Variants in CPA5 observed in about 807,000 individuals in gnomAD.
CPA5 encodes the protein testicular tissue protein Li 32.
In CPA5, 38 loss-of-function variants were observed where a neutral mutation model predicts 52.2. The ratio of observed to expected loss-of-function variants is 0.73; its 90% CI spans 0.56 to 0.95. The LOEUF (loss-of-function observed/expected upper bound fraction) is 0.95, where lower values mean the gene tolerates loss of function less well. Ranked by LOEUF, CPA5 falls within the 40% of genes least tolerant of loss-of-function variation. CPA5 has a pLI of 0.00. For missense variants in CPA5, 519 were observed against 566.7 expected (o/e 0.92, Z 0.86); for synonymous variants, 198 against 213.7 (o/e 0.93, Z 0.64).
intron 5 of CPA5, among the ~76,000 whole-genome samples, chr7:130,352,743 G>A (rs1584799723): frequency 6.6e-6 from 1 of 152,292 alleles, no homozygotes; most frequent in East Asian, 1.9e-4. Flanking sequence ...GGAGGGTGGT[G>A]AGGAAATTGC....
intron 10 of CPA5, among the ~76,000 whole-genome samples, chr7:130,364,803 C>T (rs892244025): frequency 6.6e-6 from 1 of 152,228 alleles, no homozygotes; most frequent in African/African-American, 2.4e-5. Flanking sequence ...TCTCCCTAAC[C>T]ATGCAAGGGG....
chr7:130,351,936 T>G (rs1795172103), intron 5 of CPA5, among the ~76,000 whole-genome samples: 1 of 152,114 alleles, frequency 6.6e-6, no homozygotes, highest in South Asian at 2.1e-4. Flanking sequence ...CATGTGGGTC[T>G]TTGTTCCTCT....
At chr7:130,368,056 G>C in intron 12 of CPA5, 66 bp downstream of exon 12, 1 of 1,464,056 alleles carries the variant, frequency 6.8e-7, no homozygotes, top group Non-Finnish European at 9.6e-7. Context: ...GCAGGGCAGT[G>C]CCAAGGATCT....
chr7:130,350,110 G>C lies in CPA5; in HGVS notation c.333+1G>C. On this transcript the variant is annotated splice_donor_variant, in intron 5 of 12. Coordinates refer to ENST00000474905, the MANE Select transcript of CPA5 (RefSeq NM_080385.5). LOFTEE classifies it high-confidence loss of function. Reference sequence around the variant, plus strand: ...CAGCATCATGATAAAGGACATCCAGGTGAAGCCCTGCCCCAGCTGGGACCC... The same window carrying C: ...CAGCATCATGATAAAGGACATCCAGCTGAAGCCCTGCCCCAGCTGGGACCC... 3 of 1,610,238 alleles carry C rather than the reference G, an allele frequency of 1.9e-6. No individual in the cohort carries two copies. The East Asian group carries it at 6.7e-5, about 36-fold the overall frequency.
At chr7:130,373,101 C>G (rs1427560185), downstream of CPA5, among the ~76,000 whole-genome samples, 2 of 152,174 alleles carry the variant, frequency 1.3e-5, no homozygotes, top group Non-Finnish European at 2.9e-5. Flanking sequence ...GTCTCCTCAG[C>G]AAGCCCAGAG....
rs201123856 is a variant in CPA5, at chr7:130,362,531, G to T, written c.628G>T (p.Ala210Ser). The T allele has an allele frequency of 6.2e-7, 1 of 1,612,110 alleles. No individual in the cohort carries two copies. Among genetic ancestry groups the T allele is most frequent in the East Asian group, 2.2e-5 (1 of 44,860 alleles). The part of the protein sequence containing the change: ...WITHATGIWT[A>S]NKIVSDYGKD... ...CACCCATGCCACCGGCATCTGGACT[G>T]CCAATAAGGTCAGCATGGACCTGTA... Residue 210 changes from alanine to serine, a missense_variant, in exon 8 of 13, where the codon GCC becomes TCC. By Grantham distance (99) the Ala-to-Ser change is moderately conservative. Coordinates refer to ENST00000474905, the MANE Select transcript of CPA5 (RefSeq NM_080385.5).
downstream of CPA5, among the ~76,000 whole-genome samples, chr7:130,370,957 T>C (rs118091464): frequency 0.021 from 3,264 of 152,318 alleles, 42 homozygotes; most frequent in Non-Finnish European, 0.031. Context: ...CATTGTCCAC[T>C]GGGGCTGGAG....
At chr7:130,363,142 A>G in intron 9 of CPA5, 148 bp downstream of exon 9, 1 of 619,328 alleles carries the variant, frequency 1.6e-6, no homozygotes, top group Non-Finnish European at 2.9e-6. Flanking sequence ...CTGCACCTGC[A>G]GCCTCTTGCC....
intron 10 of CPA5, 110 bp downstream of exon 10, chr7:130,363,619 T>C (rs781919990): frequency 8.3e-5 from 72 of 866,520 alleles, no homozygotes; most frequent in Non-Finnish European, 1.3e-4. Flanking sequence ...CATGGGACAA[T>C]GTAGTCAGCT....
chr7:130,363,284 C>T, intron 9 of CPA5, 135 bp from the exon 10 acceptor site: 1 of 696,060 alleles, frequency 1.4e-6, no homozygotes, highest in Non-Finnish European at 2.5e-6. Context: ...CAGCCCCATC[C>T]TGTCCTGGCA....
At position 130,367,819 on chromosome 7, in the gene CPA5, A is replaced by G; in HGVS notation, c.1039-87A>G. The stretch of plus-strand genomic sequence containing the variant: ...TTCAACTTCCAGGACTGCTAAATCC[A>G]TGCTTCTCACCAGCTGGTGAGGGTG... On this transcript the variant is annotated intron_variant, in intron 11 of 12. Transcript: ENST00000474905. 3 of 1,180,326 alleles carry G rather than the reference A, an allele frequency of 2.5e-6. 1 individual carries two copies. The South Asian group carries it at 3.7e-5, about 15-fold the overall frequency. The allele number at this position is 1,180,326 out of a possible 1,614,324, so 73.1% of individuals were successfully genotyped here. A position where few individuals can be genotyped will look rare whatever the true frequency, so the allele number is the denominator to read the frequency against.
chr7:130,365,214 C>A (rs978784601), intron 10 of CPA5, among the ~76,000 whole-genome samples: 1 of 152,162 alleles, frequency 6.6e-6, no homozygotes, highest in Non-Finnish European at 1.5e-5. Context: ...TGGAACAAGA[C>A]CATGCAAAAT....
intron 4 of CPA5, among the ~76,000 whole-genome samples, chr7:130,349,479 A>G (rs1322387644): frequency 6.6e-6 from 1 of 152,226 alleles, no homozygotes; most frequent in Non-Finnish European, 1.5e-5. Flanking sequence ...AAACATAGAA[A>G]GAGTGAATAA....
chr7:130,365,774 C>A (rs141481300), intron 10 of CPA5, among the ~76,000 whole-genome samples: 3 of 152,248 alleles, frequency 2.0e-5, no homozygotes, highest in Admixed American at 1.3e-4. Flanking sequence ...GCTTTCTGTG[C>A]GTGGGCCGCA....
chr7:130,359,721 G>GGGCCCC, intron 6 of CPA5, 34 bp downstream of exon 6: 1 of 1,469,082 alleles, frequency 6.8e-7, no homozygotes, highest in South Asian at 1.2e-5. Context: ...GGGCTCTCTT[G>GGGCCCC]TGTCTTTGGG....
chr7:130,362,909 G>A lies in CPA5; in HGVS notation c.662G>A (p.Arg221His), dbSNP rs530926535. The A allele has an allele frequency of 6.2e-6, 10 of 1,612,614 alleles. No individual in the cohort carries two copies. Among genetic ancestry groups the A allele is most frequent in the African/African-American group, 4.0e-5 (3 of 74,992 alleles). Reference sequence around the variant, plus strand: ...ATTGTCAGTGATTATGGCAAAGACCGTGTCCTGACAGACATACTGAATGCC... The same window carrying A: ...ATTGTCAGTGATTATGGCAAAGACCATGTCCTGACAGACATACTGAATGCC... ...NKIVSDYGKD[R>H]VLTDILNAMD... Residue 221 changes from arginine to histidine, a missense_variant, in exon 9 of 13, where the codon CGT (arginine) becomes CAT (histidine). Physicochemically the swap from Arg to His is conservative, Grantham distance 29. Coordinates refer to ENST00000474905, the MANE Select transcript of CPA5 (RefSeq NM_080385.5).
intron 5 of CPA5, among the ~76,000 whole-genome samples, chr7:130,356,418 C>G (rs537762271): frequency 1.3e-5 from 2 of 152,196 alleles, no homozygotes; most frequent in Non-Finnish European, 2.9e-5. Flanking sequence ...TCCTGAGAAG[C>G]CTGACAGGGC....
intron 5 of CPA5, among the ~76,000 whole-genome samples, chr7:130,352,784 G>A (rs782206109): frequency 2.0e-5 from 3 of 152,066 alleles, no homozygotes; most frequent in East Asian, 1.9e-4. Flanking sequence ...ATCTGATTCC[G>A]AGCGAGCTCT....
intron 5 of CPA5, among the ~76,000 whole-genome samples, chr7:130,357,019 T>C (rs1396131071): frequency 6.6e-6 from 1 of 152,190 alleles, no homozygotes; most frequent in African/African-American, 2.4e-5. Flanking sequence ...CCAGAAGTGT[T>C]TGTGAAGGGC....
Sources: gnomAD v4.1 joint callset for allele counts (sites outside exome capture counted in the v4.1 genomes callset) on GRCh38, gnomAD v4.1.1 for gene constraint, MANE v1.5 for transcripts, NCBI Gene and HGNC (gene_info 2026-07-23, HGNC 2026-07-21) for gene names.